GRIA3: variants seen among roughly 807,000 people sequenced by gnomAD.
GRIA3 encodes glutamate ionotropic receptor AMPA type subunit 3.
GRIA3 carries 3 observed loss-of-function variants against 63.0 expected under a neutral mutation model. That is an observed-to-expected ratio of 0.05 (90% CI 0.02 to 0.12). GRIA3 has a LOEUF of 0.12. Ranked by LOEUF, GRIA3 falls within the 10% of genes least tolerant of loss-of-function variation. The probability of loss-of-function intolerance (pLI) is 1.00; values close to 1 mark genes in which losing one functional copy is unlikely to be tolerated. For missense variants in GRIA3, 347 were observed against 700.9 expected (o/e 0.50, Z 5.70); for synonymous variants, 274 against 257.9 (o/e 1.06, Z -0.60).
chrX:123,226,057 G>C (rs1297565470), intron 2 of GRIA3, among the ~76,000 whole-genome samples: 4 of 111,200 alleles, frequency 3.6e-5, no homozygotes, highest in Admixed American at 9.6e-5. Flanking sequence ...GCTGAGACAA[G>C]ACAAACACTT....
At chrX:123,228,519 T>A (rs984486221) in intron 2 of GRIA3, among the ~76,000 whole-genome samples, 17 of 110,851 alleles carry the variant, frequency 1.5e-4, no homozygotes, top group African/African-American at 4.6e-4. Context: ...AGTATGGACA[T>A]TTTTTTAGGG....
intron 3 of GRIA3, among the ~76,000 whole-genome samples, chrX:123,312,376 C>T (rs924617080): frequency 2.7e-5 from 3 of 111,778 alleles, no homozygotes; most frequent in African/African-American, 6.5e-5. Context: ...TTCAGTGATA[C>T]GTATTTTAAG....
intron 2 of GRIA3, among the ~76,000 whole-genome samples, chrX:123,192,769 C>T (rs143190607): frequency 1.3e-4 from 14 of 111,654 alleles, no homozygotes; most frequent in African/African-American, 4.6e-4. Context: ...GATCCCTCAA[C>T]CCTATGAGGC....
intron 15 of GRIA3, among the ~76,000 whole-genome samples, chrX:123,484,262 G>A (rs1219710515): frequency 3.6e-5 from 4 of 112,191 alleles, no homozygotes; most frequent in Non-Finnish European, 7.5e-5. Flanking sequence ...CATTCTGGAC[G>A]TGTTTAAAAG....
At chrX:123,438,994 T>G (rs776582805) in intron 12 of GRIA3, among the ~76,000 whole-genome samples, 1 of 112,108 alleles carries the variant, frequency 8.9e-6, no homozygotes, top group East Asian at 2.8e-4. Flanking sequence ...AGTTTCATCT[T>G]GATATCATGA....
intron 7 of GRIA3, among the ~76,000 whole-genome samples, chrX:123,400,024 T>C: frequency 9.0e-6 from 1 of 111,497 alleles, no homozygotes; most frequent in Non-Finnish European, 1.9e-5. Context: ...AAGATTTGTA[T>C]TGTCAGGTGA....
At chrX:123,457,128 C>T (rs1273279449) in intron 12 of GRIA3, among the ~76,000 whole-genome samples, 3 of 111,476 alleles carry the variant, frequency 2.7e-5, no homozygotes, top group African/African-American at 9.8e-5. Flanking sequence ...CCATATTTCC[C>T]TTTCTTAGTG....
chrX:123,470,711 T>C (rs1165256425), intron 13 of GRIA3, among the ~76,000 whole-genome samples: 1 of 112,109 alleles, frequency 8.9e-6, no homozygotes, highest in Non-Finnish European at 1.9e-5. Context: ...GTATTTCTTC[T>C]TCTTCCATGT....
intron 12 of GRIA3, among the ~76,000 whole-genome samples, chrX:123,447,840 T>C (rs1279383855): frequency 8.9e-6 from 1 of 112,181 alleles, no homozygotes; most frequent in Non-Finnish European, 1.9e-5. Flanking sequence ...TACTGTTGTT[T>C]TAATCTTGAT....
intron 3 of GRIA3, among the ~76,000 whole-genome samples, chrX:123,271,698 C>A (rs2044523979): frequency 8.9e-6 from 1 of 112,178 alleles, no homozygotes; most frequent in African/African-American, 3.2e-5. Flanking sequence ...TGCATCATTT[C>A]CTTTAGTCGT....
chrX:123,208,211 G>C (rs989983507), intron 2 of GRIA3, among the ~76,000 whole-genome samples: 2 of 111,998 alleles, frequency 1.8e-5, no homozygotes, highest in African/African-American at 6.5e-5. Flanking sequence ...CCTTACCAGG[G>C]ACTAAATGAA....
At chrX:123,431,348 C>T (rs931463863) in intron 12 of GRIA3, among the ~76,000 whole-genome samples, 2 of 112,108 alleles carry the variant, frequency 1.8e-5, no homozygotes, top group African/African-American at 6.5e-5. Context: ...TCATTTGTTT[C>T]TCTCATTTTC....
Position 123,417,683 on chromosome X carries a change from A to T in GRIA3, c.1782A>T (p.Gln594His). The T allele has an allele frequency of 1.7e-6, 2 of 1,175,962 alleles. No homozygotes were observed. The highest frequency in any genetic ancestry group is 2.3e-6 in the Non-Finnish European group (2 of 877,625). The change falls in exon 11 of 16, where the codon CAA becomes CAT. Residue 594 changes from glutamine (Q) to histidine (H), a missense_variant. By Grantham distance (24) the Gln-to-His change is conservative (BLOSUM62 0). Around this residue, in one of 8 missense-constraint regions of GRIA3, gnomAD observed 19 missense variants for 30.9 expected, o/e 0.61. Coordinates refer to ENST00000620443, the MANE Select transcript of GRIA3 (RefSeq NM_007325.5). ...EDNNEEPRDPQSPPDPPNEFG... is the reference protein window; with the variant it reads ...EDNNEEPRDPHSPPDPPNEFG... ...ACAATGAAGAACCTCGTGACCCACAAAGTCCTCCTGATCCTCCAAATGAAT... is the reference window on the plus strand; with the variant it reads ...ACAATGAAGAACCTCGTGACCCACATAGTCCTCCTGATCCTCCAAATGAAT...
chrX:123,312,123 C>T (rs758110853), intron 3 of GRIA3, among the ~76,000 whole-genome samples: 6 of 111,761 alleles, frequency 5.4e-5, no homozygotes, highest in East Asian at 5.7e-4. Context: ...TCCTTGACCC[C>T]GCCTTGACAG....
At chrX:123,485,155 T>C (rs1044316866) in intron 15 of GRIA3, among the ~76,000 whole-genome samples, 3 of 112,730 alleles carry the variant, frequency 2.7e-5, no homozygotes, top group Non-Finnish European at 3.7e-5. Flanking sequence ...TGATTCATAA[T>C]CCATTTTCAA....
At chrX:123,470,445 G>C (rs547090439) in intron 13 of GRIA3, among the ~76,000 whole-genome samples, 2 of 111,894 alleles carry the variant, frequency 1.8e-5, no homozygotes, top group South Asian at 7.6e-4. Context: ...CCTTTCACAT[G>C]GGTGCTCTTA....
At chrX:123,310,824 G>A (rs2044785672) in intron 3 of GRIA3, among the ~76,000 whole-genome samples, 1 of 111,246 alleles carries the variant, frequency 9.0e-6, no homozygotes, top group South Asian at 3.8e-4. Context: ...CCAATATGGC[G>A]AAAGCCTGTC....
At chrX:123,262,752 GAGAAATT>G (rs1262083799) in intron 3 of GRIA3, among the ~76,000 whole-genome samples, 1 of 111,690 alleles carries the variant, frequency 9.0e-6, no homozygotes, top group Non-Finnish European at 1.9e-5. Flanking sequence ...GTCCAAAGAA[GAGAAATT>G]TCATGATAGG....
At chrX:123,453,330 G>A (rs2045743945) in intron 12 of GRIA3, among the ~76,000 whole-genome samples, 1 of 109,232 alleles carries the variant, frequency 9.2e-6, no homozygotes, top group Non-Finnish European at 1.9e-5. Context: ...TCATAGATGG[G>A]AATTGAACAA....
Sources: gnomAD v4.1 joint callset for allele counts (sites outside exome capture counted in the v4.1 genomes callset) on GRCh38, gnomAD v4.1.1 for gene constraint, gnomAD v4.1.1 regional missense constraint, MANE v1.5 for transcripts, NCBI Gene and HGNC (gene_info 2026-07-23, HGNC 2026-07-21) for gene names.